Variants in SLC25A21 observed in about 807,000 individuals in gnomAD.
SLC25A21 encodes mitochondrial 2-oxodicarboxylate carrier.
SLC25A21 carries 47 observed loss-of-function variants against 43.8 expected under a neutral mutation model. The observed-to-expected ratio is 1.07, with a 90% CI of 0.85 to 1.37. The LOEUF is 1.37. Among genes scored for constraint, SLC25A21 ranks in the 40% most tolerant of loss-of-function variants. The pLI, the probability that SLC25A21 is intolerant of heterozygous loss-of-function variation, is 0.00. For missense variants in SLC25A21, 352 were observed against 350.2 expected (o/e 1.00, Z -0.04); for synonymous variants, 131 against 121.3 (o/e 1.08, Z -0.52).
intron 1 of SLC25A21, among the ~76,000 whole-genome samples, chr14:36,909,544 CCTCA>C (rs1380351165): frequency 1.3e-5 from 2 of 152,274 alleles, no homozygotes; most frequent in East Asian, 3.9e-4. Context: ...GGGATTCTCT[CCTCA>C]CTGTCAACCA....
At chr14:37,171,491 T>C (rs1175026705) in intron 1 of SLC25A21, among the ~76,000 whole-genome samples, 1 of 152,154 alleles carries the variant, frequency 6.6e-6, no homozygotes, top group Non-Finnish European at 1.5e-5. Context: ...GAGCCAATTA[T>C]GGCAATTATT....
intron 2 of SLC25A21, among the ~76,000 whole-genome samples, chr14:36,852,930 T>C (rs1245033719): frequency 1.3e-5 from 2 of 152,182 alleles, no homozygotes; most frequent in Non-Finnish European, 2.9e-5. Context: ...TGGAATCAAA[T>C]TGCTTCCATG....
chr14:36,735,288 A>C (rs1462292326), intron 3 of SLC25A21, among the ~76,000 whole-genome samples: 1 of 152,248 alleles, frequency 6.6e-6, no homozygotes, highest in African/African-American at 2.4e-5. Context: ...TGAGTGACAT[A>C]TGGTTAGATT....
intron 2 of SLC25A21, among the ~76,000 whole-genome samples, chr14:36,839,818 C>T (rs1407200944): frequency 1.3e-5 from 2 of 152,204 alleles, no homozygotes; most frequent in Non-Finnish European, 2.9e-5. Context: ...GGCTACAAAC[C>T]TATTCAGCAT....
At chr14:36,705,371 C>T (rs769358898) in intron 7 of SLC25A21, among the ~76,000 whole-genome samples, 1 of 152,010 alleles carries the variant, frequency 6.6e-6, no homozygotes, top group Non-Finnish European at 1.5e-5. Flanking sequence ...TCCTATTTTA[C>T]GTCCGCAAAC....
intron 1 of SLC25A21, among the ~76,000 whole-genome samples, chr14:37,158,434 A>G (rs1963886171): frequency 6.6e-6 from 1 of 152,208 alleles, no homozygotes; most frequent in African/African-American, 2.4e-5. Flanking sequence ...AACATATGCA[A>G]ATCAATGATC....
intron 5 of SLC25A21, among the ~76,000 whole-genome samples, chr14:36,726,259 C>T (rs185721560): frequency 2.0e-5 from 3 of 152,160 alleles, no homozygotes; most frequent in African/African-American, 4.8e-5. Flanking sequence ...CGGCAATTGA[C>T]GCAGTCTTCT....
At chr14:37,078,110 A>G (rs1224051018) in intron 1 of SLC25A21, among the ~76,000 whole-genome samples, 1 of 152,220 alleles carries the variant, frequency 6.6e-6, no homozygotes, top group Admixed American at 6.5e-5. Flanking sequence ...AATTTTATCC[A>G]GGACTTTCTT....
At chr14:36,764,137 AAAGAAG>A (rs1416924885) in intron 3 of SLC25A21, among the ~76,000 whole-genome samples, 5 of 77,028 alleles carry the variant, frequency 6.5e-5, no homozygotes, top group African/African-American at 3.2e-4. Context: ...GGAAAGAAGG[AAAGAAG>A]GAAAGAAAGA....
intron 1 of SLC25A21, among the ~76,000 whole-genome samples, chr14:37,060,881 G>C (rs1961934034): frequency 6.6e-6 from 1 of 152,178 alleles, no homozygotes; most frequent in Admixed American, 6.5e-5. Context: ...TAAGATGATG[G>C]TACCAGAAAT....
At chr14:36,991,290 A>C (rs1960258038) in intron 1 of SLC25A21, among the ~76,000 whole-genome samples, 1 of 152,208 alleles carries the variant, frequency 6.6e-6, no homozygotes, top group Non-Finnish European at 1.5e-5. Context: ...ACCCGATTCA[A>C]GGTGTCAGCC....
intron 1 of SLC25A21, among the ~76,000 whole-genome samples, chr14:37,126,087 G>T (rs1426356507): frequency 6.6e-6 from 1 of 151,994 alleles, no homozygotes; most frequent in Admixed American, 6.6e-5. Flanking sequence ...TTTTTATTTT[G>T]ATCATAACTC....
intron 7 of SLC25A21, among the ~76,000 whole-genome samples, chr14:36,706,496 A>G (rs1883573420): frequency 1.3e-5 from 2 of 152,142 alleles, no homozygotes; most frequent in Admixed American, 1.3e-4. Context: ...CACAAGCCAC[A>G]GGACCCACAT....
chr14:36,907,348 TGTTG>T (rs138190273), intron 1 of SLC25A21, among the ~76,000 whole-genome samples: 1,689 of 152,270 alleles, frequency 0.011, 31 homozygotes, highest in African/African-American at 0.038. Context: ...TTGTTTGTTT[TGTTG>T]GTTGGTTGGT....
intron 2 of SLC25A21, among the ~76,000 whole-genome samples, chr14:36,844,783 T>C (rs1889491143): frequency 6.6e-6 from 1 of 152,174 alleles, no homozygotes; most frequent in African/African-American, 2.4e-5. Context: ...CAAAGAAACT[T>C]CATGCAGCTC....
intron 2 of SLC25A21, among the ~76,000 whole-genome samples, chr14:36,840,135 G>A (rs911096394): frequency 4.6e-5 from 7 of 151,982 alleles, no homozygotes; most frequent in African/African-American, 7.2e-5. Flanking sequence ...ACTAACTCCC[G>A]GAGAACATTC....
chr14:36,775,127 T>C (rs1198794552), intron 3 of SLC25A21, among the ~76,000 whole-genome samples: 1 of 152,216 alleles, frequency 6.6e-6, no homozygotes, highest in Non-Finnish European at 1.5e-5. Flanking sequence ...ATATGGAGAA[T>C]TCTGTAATTG....
At chr14:36,836,314 T>A (rs960658292) in intron 2 of SLC25A21, among the ~76,000 whole-genome samples, 9 of 152,212 alleles carry the variant, frequency 5.9e-5, no homozygotes, top group African/African-American at 2.2e-4. Flanking sequence ...CAACCCAACA[T>A]GGTTCAAACC....
chr14:36,901,716 G>A (rs1891403875), intron 1 of SLC25A21, among the ~76,000 whole-genome samples: 1 of 152,066 alleles, frequency 6.6e-6, no homozygotes, highest in South Asian at 2.1e-4. Flanking sequence ...CCATAATATA[G>A]AATTCTGCTT....
Sources: gnomAD v4.1 joint callset for allele counts (sites outside exome capture counted in the v4.1 genomes callset) on GRCh38, gnomAD v4.1.1 for gene constraint, MANE v1.5 for transcripts, NCBI Gene and HGNC (gene_info 2026-07-23, HGNC 2026-07-21) for gene names.